Variants in DTNA observed in about 807,000 individuals in gnomAD.
DTNA encodes the protein dystrophin-related protein 3.
In DTNA, 43 loss-of-function variants were observed where a neutral mutation model predicts 100.7. The observed-to-expected ratio is 0.43, with a 90% CI of 0.33 to 0.55. DTNA has a LOEUF of 0.55. DTNA is among the 20% of genes least tolerant of loss of function. The probability of loss-of-function intolerance (pLI) is 0.04; values close to 1 mark genes in which losing one functional copy is unlikely to be tolerated. For missense variants in DTNA, 798 were observed against 953.9 expected (o/e 0.84, Z 2.15); for synonymous variants, 349 against 347.9 (o/e 1.00, Z -0.04).
chr18:34,860,213 A>ATTTTT (rs1169379979), intron 16 of DTNA, among the ~76,000 whole-genome samples: 1 of 74,314 alleles, frequency 1.3e-5, no homozygotes. Flanking sequence ...CGCCCGGCTA[A>ATTTTT]TTTTTTGTTT....
chr18:34,644,769 G>C (rs779280915), intron 1 of DTNA, among the ~76,000 whole-genome samples: 12 of 151,960 alleles, frequency 7.9e-5, no homozygotes, highest in Admixed American at 2.0e-4. Context: ...TGGCATTAGC[G>C]TTTCCTAGTA....
intron 1 of DTNA, among the ~76,000 whole-genome samples, chr18:34,692,896 T>C (rs1045630491): frequency 7.9e-5 from 12 of 152,152 alleles, no homozygotes; most frequent in Non-Finnish European, 1.5e-5. Flanking sequence ...ATTTATGAAA[T>C]AAATATCTAT....
intron 1 of DTNA, among the ~76,000 whole-genome samples, chr18:34,718,003 T>C (rs1400623876): frequency 6.6e-6 from 1 of 152,062 alleles, no homozygotes; most frequent in Non-Finnish European, 1.5e-5. Flanking sequence ...AAGAGTAGAT[T>C]TGAGAGGTGT....
At chr18:34,872,102 T>A (rs524969) in intron 17 of DTNA, among the ~76,000 whole-genome samples, 46,013 of 152,076 alleles carry the variant, frequency 0.3, 7,504 homozygotes, top group African/African-American at 0.43. Context: ...TTTCTTCTTA[T>A]TGCAGAACCA....
intron 12 of DTNA, 28 bp downstream of exon 12, chr18:34,838,199 C>G: frequency 3.1e-6 from 5 of 1,610,218 alleles, no homozygotes; most frequent in Non-Finnish European, 4.2e-6. Context: ...TGTACTGGAA[C>G]CCTGCATTAA....
At chr18:34,771,454 C>A (rs959722336) in intron 3 of DTNA, among the ~76,000 whole-genome samples, 1 of 151,678 alleles carries the variant, frequency 6.6e-6, no homozygotes. Flanking sequence ...GAGCTGAGAT[C>A]GTGCCACTGC....
At chr18:34,650,128 G>A (rs1014750443) in intron 1 of DTNA, among the ~76,000 whole-genome samples, 1 of 152,064 alleles carries the variant, frequency 6.6e-6, no homozygotes, top group Non-Finnish European at 1.5e-5. Context: ...TTTGTTTCAA[G>A]TTTCTCCGTT....
intron 1 of DTNA, among the ~76,000 whole-genome samples, chr18:34,526,252 C>T (rs2145365654): frequency 6.6e-6 from 1 of 152,178 alleles, no homozygotes; most frequent in East Asian, 1.9e-4. Flanking sequence ...GATTTAATGA[C>T]CTTTGTCTTC....
chr18:34,828,729 G>T (rs1273338749), intron 10 of DTNA, among the ~76,000 whole-genome samples: 1 of 151,996 alleles, frequency 6.6e-6, no homozygotes, highest in Non-Finnish European at 1.5e-5. Flanking sequence ...GTATAAACGA[G>T]GTCTGTAACA....
At chr18:34,636,726 G>A (rs750054584) in intron 1 of DTNA, among the ~76,000 whole-genome samples, 6 of 152,124 alleles carry the variant, frequency 3.9e-5, no homozygotes, top group Non-Finnish European at 8.8e-5. Context: ...CATACAGAAT[G>A]CTTCTTTCTA....
intron 3 of DTNA, among the ~76,000 whole-genome samples, chr18:34,787,654 C>T (rs1159025201): frequency 6.6e-6 from 1 of 152,124 alleles, no homozygotes; most frequent in Non-Finnish European, 1.5e-5. Flanking sequence ...ATGAAGGACT[C>T]CATCTCCCAT....
chr18:34,579,879 C>G (rs2048454331), intron 1 of DTNA, among the ~76,000 whole-genome samples: 1 of 152,042 alleles, frequency 6.6e-6, no homozygotes, highest in Non-Finnish European at 1.5e-5. Context: ...AATTGTTCAC[C>G]TATCATCTTT....
rs9945021 is a variant in DTNA at position 34,559,616 on chromosome 18, C to A, written c.-2+66102C>A. 4.9e-3 allele frequency among the ~76,000 whole-genome samples: 743 copies of A among 152,270 alleles called. 8 individuals carry two copies. Among genetic ancestry groups the A allele is most frequent in the African/African-American group, 0.017 (718 of 41,550 alleles). On this transcript the variant is annotated intron_variant, in intron 1 of 19. Coordinates refer to the DTNA transcript ENST00000283365. ...TATAATTATCAATTTCCTTCATTCA[C>A]CAAGGCTCATATAATGAAGAGCTTT...
At chr18:34,654,351 T>C (rs899760010) in intron 1 of DTNA, among the ~76,000 whole-genome samples, 2 of 152,210 alleles carry the variant, frequency 1.3e-5, no homozygotes, top group African/African-American at 4.8e-5. Flanking sequence ...TGAGTGACAG[T>C]CGTGTACTAG....
chr18:34,749,829 A>G (rs1211796693), intron 1 of DTNA, among the ~76,000 whole-genome samples: 2 of 152,190 alleles, frequency 1.3e-5, no homozygotes, highest in African/African-American at 4.8e-5. Flanking sequence ...AGCAAATGCA[A>G]TTATAATTTG....
intron 1 of DTNA, among the ~76,000 whole-genome samples, chr18:34,522,117 C>G (rs889409834): frequency 2.0e-5 from 3 of 152,196 alleles, no homozygotes; most frequent in African/African-American, 7.2e-5. Context: ...ATGTCTTGAT[C>G]TCTGTCAGTC....
chr18:34,801,713 G>C (rs1489275561), intron 4 of DTNA, among the ~76,000 whole-genome samples: 1 of 151,924 alleles, frequency 6.6e-6, no homozygotes, highest in Non-Finnish European at 1.5e-5. Context: ...TTTTCACCAT[G>C]TTGGCCAGGA....
intron 3 of DTNA, among the ~76,000 whole-genome samples, chr18:34,777,477 A>C (rs2094118620): frequency 6.6e-6 from 1 of 152,236 alleles, no homozygotes; most frequent in Non-Finnish European, 1.5e-5. Context: ...CCCAATGCTC[A>C]GTATCCATCC....
chr18:34,687,320 C>G (rs1012050445), intron 1 of DTNA, among the ~76,000 whole-genome samples: 9 of 152,122 alleles, frequency 5.9e-5, no homozygotes, highest in Non-Finnish European at 8.8e-5. Context: ...AGCTGTGTCC[C>G]AGAGATTCTG....
Sources: allele counts gnomAD v4.1 joint callset (sites outside exome capture counted in the v4.1 genomes callset), GRCh38; gene constraint gnomAD v4.1.1; transcripts MANE v1.5; gene names NCBI Gene and HGNC (gene_info 2026-07-23, HGNC 2026-07-21).